The following P4HB variants were observed in gnomAD, a reference collection of about 807,000 sequenced individuals.
The protein encoded by P4HB is protein disulfide-isomerase.
P4HB carries 20 observed loss-of-function variants against 52.6 expected under a neutral mutation model. The observed-to-expected ratio is 0.38, with a 90% CI of 0.27 to 0.55. The LOEUF is 0.55. Ranked by LOEUF, P4HB falls within the 20% of genes least tolerant of loss-of-function variation. P4HB has a pLI of 0.74. For synonymous variants in P4HB, 296 were observed against 277.9 expected (o/e 1.07, Z -0.65); for missense variants, 601 against 669.2 (o/e 0.90, Z 1.12).
At chr17:81,858,597 T>C (rs2038950743) in intron 2 of P4HB, among the ~76,000 whole-genome samples, 1 of 152,136 alleles carries the variant, frequency 6.6e-6, no homozygotes, top group Non-Finnish European at 1.5e-5. Context: ...CTACGGCAGC[T>C]TCAGAGGCGG....
In P4HB at chr17:81,843,607, A is replaced by G; in HGVS notation, c.*405T>C. On this transcript the variant is annotated 3_prime_UTR_variant, in exon 11 of 11. Coordinates refer to ENST00000331483, the MANE Select transcript of P4HB (RefSeq NM_000918.4). ...CAAGCTTCTCCGAGGAGGCCTGGCC[A>G]AGGTGGAACAAATACCCTGATGTCG... is the stretch of plus-strand genomic sequence containing the variant. 2.2e-6 allele frequency: 1 copy of G among 455,780 alleles called. No homozygotes were observed. Among genetic ancestry groups the G allele is most frequent in the Non-Finnish European group, 3.9e-6 (1 of 259,646 alleles). 28.2% of individuals were successfully genotyped at this position (455,780 alleles called of 1,614,324 possible).
Position 81,846,837 on chromosome 17 carries a change from C to T in P4HB, c.855+110G>A, listed in dbSNP as rs1598264169. 5.7e-6 allele frequency: 8 copies of T among 1,407,934 alleles called. No individual in the cohort carries two copies. In the East Asian group the frequency reaches 1.8e-4, roughly 32 times the overall value. The allele number at this position is 1,407,934 out of a possible 1,614,324, so 87.2% of individuals were successfully genotyped here. On this transcript the variant is annotated intron_variant, in intron 6 of 10. Transcript: ENST00000331483. This position sits in a 1 kb window ranked among gnomAD's most constrained non-coding sequence, Gnocchi z 5.7. ...CATCCAGGCTGTCCTGAATCAGGTG[C>T]CCGATCCAGTCCAGCAGGCAGCCTC...
chr17:81,855,767 A>G lies in P4HB; in HGVS notation c.353-181T>C. The stretch of plus-strand genomic sequence containing the variant: ...CCGCCCGCCTCCTAAACCCCAGTGT[A>G]CGTGAGACTGTGGTTGTGTTTATGG... On this transcript the variant is annotated intron_variant, in intron 2 of 10. Transcript: ENST00000331483. The surrounding 1 kb of genome is among the most constrained non-coding windows in gnomAD (Gnocchi z 4.3). The G allele has an allele frequency of 1.6e-6, 1 of 613,200 alleles. No individual in the cohort carries two copies. The highest frequency in any genetic ancestry group is 2.8e-6 in the Non-Finnish European group (1 of 356,668). The allele number at this position is 613,200 out of a possible 1,614,324, so 38.0% of individuals were successfully genotyped here. A position where few individuals can be genotyped will look rare whatever the true frequency, so the allele number is the denominator to read the frequency against.
At chr17:81,847,692 G>A in intron 4 of P4HB, 1 of 310,864 alleles carries the variant, frequency 3.2e-6, no homozygotes, top group Admixed American at 4.1e-5. Flanking sequence ...TTTTTTATTT[G>A]TTTTTGAGAC....
chr17:81,858,998 G>C, intron 2 of P4HB, 183 bp downstream of exon 2: 1 of 603,948 alleles, frequency 1.7e-6, no homozygotes. Context: ...GGTTCTTCCA[G>C]GATGAAAACT....
Position 81,855,047 on chromosome 17 carries a change from A to T in P4HB, c.624+95T>A. On this transcript the variant is annotated intron_variant, in intron 4 of 10. Transcript: ENST00000331483. This position sits in a 1 kb window ranked among gnomAD's most constrained non-coding sequence, Gnocchi z 4.3. ...ACATACCTATTGGGCCAAAGGTGCCAGGAGCAAGGTTCCCTTAACGATAAG... is the reference window on the plus strand; with the variant it reads ...ACATACCTATTGGGCCAAAGGTGCCTGGAGCAAGGTTCCCTTAACGATAAG... 7.9e-7 allele frequency: 1 copy of T among 1,265,350 alleles called. No individual in the cohort carries two copies. The highest frequency in any genetic ancestry group is 1.1e-6 in the Non-Finnish European group (1 of 875,522). The allele number at this position is 1,265,350 out of a possible 1,614,324, so 78.4% of individuals were successfully genotyped here.
chr17:81,859,218 GA>G lies in P4HB; in HGVS notation c.314del (p.Phe105SerfsTer22). The G allele has an allele frequency of 6.2e-7, 1 of 1,614,012 alleles. No individual in the cohort carries two copies. The highest frequency in any genetic ancestry group is 8.5e-7 in the Non-Finnish European group (1 of 1,180,022). ...GVRGYPTIKF[F>X]RNGDTASPKE... ...TGGGGGAAGCCGTGTCTCCATTCCT[GA>G]AGAACTTGATGGTGGGATAGCCGCG... On this transcript the variant is annotated frameshift_variant, in exon 2 of 11. Coordinates refer to ENST00000331483, the MANE Select transcript of P4HB (RefSeq NM_000918.4). LOFTEE classifies it high-confidence loss of function.
intron 1 of P4HB, 174 bp downstream of exon 1, chr17:81,860,153 G>C (rs111243260): frequency 4.1e-6 from 2 of 485,284 alleles, no homozygotes; most frequent in Non-Finnish European, 6.7e-6. Context: ...CTCCCAGCCC[G>C]GCTCTCACCC....
intron 1 of P4HB, 164 bp from the exon 2 acceptor site, chr17:81,859,551 G>A: frequency 1.6e-6 from 1 of 636,314 alleles, no homozygotes; most frequent in Non-Finnish European, 2.7e-6. Context: ...ATAGCCTGGT[G>A]TTCTTGGGCA....
At position 81,853,290 on chromosome 17, in the gene P4HB, GTGAA is replaced by G. The variant is rs530352016; in HGVS notation, c.624+1848_624+1851del. ...GGATGCTCCGTGCTTACTACAGAAA[GTGAA>G]TGGGTCGGTGGCTCACACCTGTAAT... On this transcript the variant is annotated intron_variant, in intron 4 of 10. Transcript: ENST00000331483. 1.8e-4 allele frequency among the ~76,000 whole-genome samples: 27 copies of G among 152,194 alleles called. No homozygotes were observed. In the South Asian group the frequency reaches 5.6e-3, roughly 32 times the overall value.
Position 81,847,012 on chromosome 17 carries a change from T to A in P4HB, c.790A>T (p.Ser264Cys), listed in dbSNP as rs1334826558. Residue 264 changes from serine (S) to cysteine (C), a missense_variant, in exon 6 of 11, where the codon AGT becomes TGT. Transcript: ENST00000331483. ...KTHILLFLPKSVSDYDGKLSN... is the reference protein window; with the variant it reads ...KTHILLFLPKCVSDYDGKLSN... ...AGTTTGCCGTCATAGTCAGACACAC[T>A]CTTGGGCAAGAACAGCAGGATGTGA... is the stretch of plus-strand genomic sequence containing the variant. 1 of 1,613,936 alleles carries A rather than the reference T, an allele frequency of 6.2e-7. No homozygotes were observed. The highest frequency in any genetic ancestry group is 1.3e-5 in the African/African-American group (1 of 74,918).
rs540296609 is a variant in P4HB, at chr17:81,859,525, G to T, written c.146-138C>A. 3.3e-5 allele frequency: 24 copies of T among 722,886 alleles called. 1 individual carries two copies. In the South Asian group the frequency reaches 4.2e-4, roughly 13 times the overall value. 44.8% of individuals were successfully genotyped at this position (722,886 alleles called of 1,614,324 possible). On this transcript the variant is annotated intron_variant, in intron 1 of 10. Coordinates refer to ENST00000331483, the MANE Select transcript of P4HB (RefSeq NM_000918.4). ...ACTCACCAAGATAACCCCTCCTAAC[G>T]CACAAGGCTGAGCTGATAGCCTGGT...
Position 81,843,733 on chromosome 17 carries a change from G to T in P4HB, c.*279C>A, listed in dbSNP as rs1020702188. On this transcript the variant is annotated 3_prime_UTR_variant, in exon 11 of 11. Transcript: ENST00000331483. ...TCCGAACACGGTAGCAAGCACTCTG[G>T]ACAGACTCATGTATGAAAAAGTACA... The T allele has an allele frequency of 3.5e-6, 2 of 577,196 alleles. No individual in the cohort carries two copies. Among genetic ancestry groups the T allele is most frequent in the Non-Finnish European group, 6.1e-6 (2 of 325,558 alleles). The allele number at this position is 577,196 out of a possible 1,614,324, so 35.8% of individuals were successfully genotyped here. A position where few individuals can be genotyped will look rare whatever the true frequency, so the allele number is the denominator to read the frequency against.
At chr17:81,857,805 C>CTTGA (rs1246002598) in intron 2 of P4HB, among the ~76,000 whole-genome samples, 9 of 152,188 alleles carry the variant, frequency 5.9e-5, no homozygotes. Flanking sequence ...CCTCCTAGAA[C>CTTGA]TTGACTCCCT....
intron 2 of P4HB, among the ~76,000 whole-genome samples, chr17:81,857,078 C>T (rs573735361): frequency 3.0e-4 from 46 of 152,314 alleles, no homozygotes; most frequent in Non-Finnish European, 5.9e-4. Flanking sequence ...CCACTGTGCC[C>T]AGCCCTAGCT....
At chr17:81,858,367 A>G in intron 2 of P4HB, among the ~76,000 whole-genome samples, 1 of 152,226 alleles carries the variant, frequency 6.6e-6, no homozygotes, top group South Asian at 2.1e-4. Context: ...TAAGGGGACA[A>G]AAGGAAACAT....
At chr17:81,854,150 G>A (rs1021068952) in intron 4 of P4HB, among the ~76,000 whole-genome samples, 4 of 152,258 alleles carry the variant, frequency 2.6e-5, no homozygotes, top group African/African-American at 7.2e-5. Context: ...GTGGGAACAC[G>A]CCCAGAGCGC....
At chr17:81,856,464 C>A (rs868198625) in intron 2 of P4HB, among the ~76,000 whole-genome samples, 1 of 150,776 alleles carries the variant, frequency 6.6e-6, no homozygotes, top group South Asian at 2.1e-4. Context: ...GACCCTCCCG[C>A]GTAGCTAGGA....
intron 10 of P4HB, 115 bp downstream of exon 10, chr17:81,845,027 GCA>G (rs2038711170): frequency 1.2e-6 from 1 of 840,256 alleles, no homozygotes; most frequent in Non-Finnish European, 1.9e-6. Context: ...AGCCCTGGAC[GCA>G]CAGACGTGCC....
Sources: gnomAD v4.1 joint callset for allele counts (sites outside exome capture counted in the v4.1 genomes callset) on GRCh38, gnomAD v4.1.1 for gene constraint, Gnocchi (gnomAD v3.1) non-coding constraint, MANE v1.5 for transcripts, NCBI Gene and HGNC (gene_info 2026-07-23, HGNC 2026-07-21) for gene names.